Variants in SHANK1 observed in about 807,000 individuals in gnomAD.
SHANK1 encodes SH3 and multiple ankyrin repeat domains protein 1.
A neutral mutation model predicts 165.6 loss-of-function variants in SHANK1; 35 were observed. That is an observed-to-expected ratio of 0.21 (90% CI 0.16 to 0.28). The LOEUF (loss-of-function observed/expected upper bound fraction) is 0.28, where lower values mean the gene tolerates loss of function less well. SHANK1 is among the 10% of genes least tolerant of loss of function. SHANK1 has a pLI of 1.00. For synonymous variants in SHANK1, 1,428 were observed against 1,384.8 expected (o/e 1.03, Z -0.69); for missense variants, 2,681 against 3,036.4 (o/e 0.88, Z 2.75).
intron 15 of SHANK1, among the ~76,000 whole-genome samples, chr19:50,694,185 TCACA>T (rs1047674100): frequency 6.0e-5 from 9 of 150,546 alleles, no homozygotes; most frequent in South Asian, 2.1e-4. Context: ...TTTCTCTCTC[TCACA>T]CACACACGCA....
rs1211312228 is a variant in SHANK1, at chr19:50,662,219, G to A, written c.6232C>T (p.Pro2078Ser). 3 of 1,610,066 alleles carry A rather than the reference G, an allele frequency of 1.9e-6. No individual in the cohort carries two copies. The highest frequency in any genetic ancestry group is 2.5e-6 in the Non-Finnish European group (3 of 1,177,270). The change falls in exon 24 of 24, where the codon CCG becomes TCG. Residue 2078 changes from proline to serine, a missense_variant. Pro to Ser is a moderately conservative substitution (Grantham distance 74). This residue lies in a region of SHANK1 where 1,713 missense variants were observed against 1,630.2 expected (regional missense o/e 1.05). Coordinates refer to ENST00000293441, the MANE Select transcript of SHANK1 (RefSeq NM_016148.5). The surrounding 1 kb of genome is among the most constrained non-coding windows in gnomAD (Gnocchi z 7.7). ...ALSGASRSLSPTRLLSLPPDK... is the reference protein window; with the variant it reads ...ALSGASRSLSSTRLLSLPPDK... ...GGGGGCAGCGAGAGCAGGCGGGTCGGTGAGAGGGAGCGCGAGGCCCCTGAC... is the reference window on the plus strand; with the variant it reads ...GGGGGCAGCGAGAGCAGGCGGGTCGATGAGAGGGAGCGCGAGGCCCCTGAC...
At position 50,668,237 on chromosome 19, in the gene SHANK1, C is replaced by A; in HGVS notation, c.3723G>T (p.Arg1241=). 1 of 1,467,280 alleles carries A rather than the reference C, an allele frequency of 6.8e-7. No individual in the cohort carries two copies. The highest frequency in any genetic ancestry group is 1.4e-5 in the South Asian group (1 of 72,184). 90.9% of individuals were successfully genotyped at this position (1,467,280 alleles called of 1,614,324 possible). Residue 1241 remains arginine (R), a synonymous_variant, in exon 23 of 24, where the codon CGG becomes CGT. Transcript: ENST00000293441. ...CCTCATTCTGCCAGCCCCCCTCCCT[C>A]CGGGCCGCCCCCACCAGGGCGGCCC... ...QFGAALVGAA[R]REGGWQNEAR... is the part of the protein sequence containing the mutation.
chr19:50,703,811 G>T lies in SHANK1; in HGVS notation c.1242C>A (p.Pro414=). The change falls in exon 11 of 24, where the codon CCC becomes CCA. Residue 414 remains proline (P), a synonymous_variant. Transcript: ENST00000293441. ...GCCCCCGTCGCCGGGCCGCGTACTT[G>T]GGGGACTCCTGGAAGGGCACTGAGA... The part of the protein sequence containing the change: ...EQDVVPFQES[P]KYAARRRGPP... 1 of 1,430,162 alleles carries T rather than the reference G, an allele frequency of 7.0e-7. No individual in the cohort carries two copies. Among genetic ancestry groups the T allele is most frequent in the South Asian group, 1.5e-5 (1 of 67,328 alleles). 88.6% of individuals were successfully genotyped at this position (1,430,162 alleles called of 1,614,324 possible).
chr19:50,673,131 G>A (rs989980898), intron 21 of SHANK1, among the ~76,000 whole-genome samples: 2 of 152,136 alleles, frequency 1.3e-5, no homozygotes, highest in Non-Finnish European at 2.9e-5. Context: ...GCCCGAGGCA[G>A]CACTAAAGCC....
rs1986500762 is a variant in SHANK1 at position 50,690,276 on chromosome 19, C to G, written c.1965-997G>C. 6.6e-6 allele frequency among the ~76,000 whole-genome samples: 1 copy of G among 152,014 alleles called. No homozygotes were observed. Among genetic ancestry groups the G allele is most frequent in the Admixed American group, 6.6e-5 (1 of 15,266 alleles). ...GCACATTTAGGTAAGGCTCACGTAC[C>G]CAGGAAATGTCAATGAAACTCAGAT... On this transcript the variant is annotated intron_variant, in intron 15 of 23. Transcript: ENST00000293441. The surrounding 1 kb of genome is among the most constrained non-coding windows in gnomAD (Gnocchi z 4.9).
Position 50,668,768 on chromosome 19 carries a change from T to C in SHANK1, c.3192A>G (p.Pro1064=). Residue 1064 remains proline, a synonymous_variant, in exon 23 of 24, where the codon CCA becomes CCG. Coordinates refer to ENST00000293441, the MANE Select transcript of SHANK1 (RefSeq NM_016148.5). ...GPSPTPGAPS[P]SHHGSAGGGG... is the part of the protein sequence containing the mutation. ...CCCCGCCCGCGCTGCCGTGGTGCGA[T>C]GGGGACGGGGCCCCCGGGGTCGGGC... 7.9e-7 allele frequency: 1 copy of C among 1,271,642 alleles called. No homozygotes were observed. Among genetic ancestry groups the C allele is most frequent in the Non-Finnish European group, 9.8e-7 (1 of 1,015,446 alleles). The allele number at this position is 1,271,642 out of a possible 1,614,324, so 78.8% of individuals were successfully genotyped here.
chr19:50,662,019 C>T lies in SHANK1; in HGVS notation c.6432G>A (p.Arg2144=), dbSNP rs561667425. The change falls in exon 24 of 24, where the codon AGG becomes AGA. Residue 2144 remains arginine (R), a synonymous_variant. Coordinates refer to ENST00000293441, the MANE Select transcript of SHANK1 (RefSeq NM_016148.5). This position sits in a 1 kb window ranked among gnomAD's most constrained non-coding sequence, Gnocchi z 7.7. ...GGTCGATGTTCATGCGGTGGCCCAC[C>T]CTGGTCACACCTAGATCGACGTAGT... is the stretch of plus-strand genomic sequence containing the variant. ...KEDYVDLGVT[R]VGHRMNIDRA... The T allele has an allele frequency of 1.2e-6, 2 of 1,614,082 alleles. No homozygotes were observed. The highest frequency in any genetic ancestry group is 1.3e-5 in the African/African-American group (1 of 74,934).
In SHANK1 at chr19:50,703,427, C is replaced by T. The variant is rs200301152; in HGVS notation, c.1553+73G>A. Reference sequence around the variant, plus strand: ...CAGAGGAAGGCAGCTGGGCTGGCCTCGGGGGAAGCCGCCGATCTGGAGAGG... The same window carrying T: ...CAGAGGAAGGCAGCTGGGCTGGCCTTGGGGGAAGCCGCCGATCTGGAGAGG... On this transcript the variant is annotated intron_variant, in intron 11 of 23. Coordinates refer to ENST00000293441, the MANE Select transcript of SHANK1 (RefSeq NM_016148.5). 2.2e-5 allele frequency: 29 copies of T among 1,340,640 alleles called. No homozygotes were observed. The East Asian group carries it at 2.8e-4, about 13-fold the overall frequency. The allele number at this position is 1,340,640 out of a possible 1,614,324, so 83.0% of individuals were successfully genotyped here. A position where few individuals can be genotyped will look rare whatever the true frequency, so the allele number is the denominator to read the frequency against.
At position 50,717,639 on chromosome 19, in the gene SHANK1, A is replaced by C. The variant is rs1037611220; in HGVS notation, c.-43-677T>G. Among the ~76,000 whole-genome samples the C allele has an allele frequency of 3.3e-5, 5 of 152,188 alleles. No individual in the cohort carries two copies. Among genetic ancestry groups the C allele is most frequent in the African/African-American group, 1.2e-4 (5 of 41,436 alleles). ...CTAGGGTGTCCCCAAGGGAACCACA[A>C]GAGGTGGCTTTTGGAGACTGGGGCA... On this transcript the variant is annotated intron_variant, in intron 1 of 23. Coordinates refer to ENST00000293441, the MANE Select transcript of SHANK1 (RefSeq NM_016148.5). The surrounding 1 kb of genome is among the most constrained non-coding windows in gnomAD (Gnocchi z 5.5).
At chr19:50,704,635 C>T (rs557025426) in intron 8 of SHANK1, 121 bp from the exon 9 acceptor site, 4 of 877,112 alleles carry the variant, frequency 4.6e-6, no homozygotes, top group Non-Finnish European at 7.3e-6. Flanking sequence ...AAACCCGCAC[C>T]ACTGAGGACA....
At chr19:50,707,388 T>G (rs2088952833) in intron 8 of SHANK1, among the ~76,000 whole-genome samples, 2 of 152,120 alleles carry the variant, frequency 1.3e-5, no homozygotes. Context: ...GATGCTAATT[T>G]AACCACCATT....
chr19:50,667,604 A>G lies in SHANK1; in HGVS notation c.4356T>C (p.Ala1452=), dbSNP rs1456267396. 3 of 1,430,852 alleles carry G rather than the reference A, an allele frequency of 2.1e-6. No homozygotes were observed. The highest frequency in any genetic ancestry group is 1.8e-6 in the Non-Finnish European group (2 of 1,103,686). 88.6% of individuals were successfully genotyped at this position (1,430,852 alleles called of 1,614,324 possible). Residue 1452 remains alanine (A), a synonymous_variant, in exon 23 of 24, where the codon GCT becomes GCC. Transcript: ENST00000293441. The surrounding 1 kb of genome is among the most constrained non-coding windows in gnomAD (Gnocchi z 5.7). The part of the protein sequence containing the change: ...RSLLHRLPPT[A]PGVGPLLLQL... ...GCAGCAGGAGGGGCCCCACCCCGGG[A>G]GCGGTGGGCGGCAGGCGGTGTAGCA... is the stretch of plus-strand genomic sequence containing the variant.
chr19:50,662,778 G>C lies in SHANK1; in HGVS notation c.5769-96C>G. 2 of 1,370,496 alleles carry C rather than the reference G, an allele frequency of 1.5e-6. No homozygotes were observed. The highest frequency in any genetic ancestry group is 2.0e-6 in the Non-Finnish European group (2 of 993,188). 84.9% of individuals were successfully genotyped at this position (1,370,496 alleles called of 1,614,324 possible). ...CAGAGGTCAAGATATAGGGAGAGAGGAGGAGAGACATAAGGGTAGGGGGAG... is the reference window on the plus strand; with the variant it reads ...CAGAGGTCAAGATATAGGGAGAGAGCAGGAGAGACATAAGGGTAGGGGGAG... On this transcript the variant is annotated intron_variant, in intron 23 of 23. Transcript: ENST00000293441. This position sits in a 1 kb window ranked among gnomAD's most constrained non-coding sequence, Gnocchi z 7.7.
Position 50,713,761 on chromosome 19 carries a change from G to A in SHANK1, c.792+37C>T, listed in dbSNP as rs2089036055. ...AAGAACAAAGGGAAAAGGAGAGAGG[G>A]CCCCATGGCGGGGATGGGGGGTCCC... On this transcript the variant is annotated intron_variant, in intron 6 of 23. Transcript: ENST00000293441. This position sits in a 1 kb window ranked among gnomAD's most constrained non-coding sequence, Gnocchi z 6.2. The A allele has an allele frequency of 6.2e-7, 1 of 1,608,170 alleles. No homozygotes were observed. The highest frequency in any genetic ancestry group is 8.5e-7 in the Non-Finnish European group (1 of 1,177,104).
At position 50,660,291 on chromosome 19, in the gene SHANK1, G is replaced by A. The variant is rs1392396715; in HGVS notation, c.*1674C>T. ...AGAGGGAGCTTCTTGGAGTGGACAG[G>A]TTAGGAGAGGGCAATCTTCGTGCAA... On this transcript the variant is annotated 3_prime_UTR_variant, in exon 24 of 24. Transcript: ENST00000293441. Among the ~76,000 whole-genome samples the A allele has an allele frequency of 6.6e-6, 1 of 152,086 alleles. No individual in the cohort carries two copies. The highest frequency in any genetic ancestry group is 1.5e-5 in the Non-Finnish European group (1 of 68,008).
In SHANK1 at chr19:50,660,800, T is replaced by A. The variant is rs187737464; in HGVS notation, c.*1165A>T. On this transcript the variant is annotated 3_prime_UTR_variant, in exon 24 of 24. Coordinates refer to ENST00000293441, the MANE Select transcript of SHANK1 (RefSeq NM_016148.5). ...ATCAAAAATGCAGAAGGGCAAAGAT[T>A]TCAAACAGAAAGGGGCAAGGGAGTG... Among the ~76,000 whole-genome samples, 1 of 147,740 alleles carries A rather than the reference T, an allele frequency of 6.8e-6. No homozygotes were observed. The highest frequency in any genetic ancestry group is 1.5e-5 in the Non-Finnish European group (1 of 67,600).
rs117990326 is a variant in SHANK1 at position 50,669,359 on chromosome 19, C to T, written c.2675-74G>A. On this transcript the variant is annotated intron_variant, in intron 22 of 23. Transcript: ENST00000293441. Reference sequence around the variant, plus strand: ...TCCCTGCTCCACTATCCCATAGAACCGCAACAATACTAATGACAAGAATGG... The same window carrying T: ...TCCCTGCTCCACTATCCCATAGAACTGCAACAATACTAATGACAAGAATGG... The T allele has an allele frequency of 0.022, 20,723 of 957,252 alleles. 291 individuals are homozygous for T. Among genetic ancestry groups the T allele is most frequent in the Middle Eastern group, 0.031 (124 of 3,940 alleles). 59.3% of individuals were successfully genotyped at this position (957,252 alleles called of 1,614,324 possible).
At chr19:50,669,517 C>CG (rs1344628454) in intron 22 of SHANK1, among the ~76,000 whole-genome samples, 1 of 152,114 alleles carries the variant, frequency 6.6e-6, no homozygotes, top group Non-Finnish European at 1.5e-5. Context: ...GGTGAGGAAA[C>CG]TGAAATTCAG....
Position 50,717,223 on chromosome 19 carries a change from CG to C in SHANK1, c.-43-262del, listed in dbSNP as rs1347875307. On this transcript the variant is annotated intron_variant, in intron 1 of 23. Coordinates refer to ENST00000293441, the MANE Select transcript of SHANK1 (RefSeq NM_016148.5). This position sits in a 1 kb window ranked among gnomAD's most constrained non-coding sequence, Gnocchi z 5.5. The stretch of plus-strand genomic sequence containing the variant: ...GGCCCCGCTTGCAGCCCGCCCCCTG[CG>C]CCCCACTTTGCTGGTGACCCAGCGT... Among the ~76,000 whole-genome samples, 1 of 152,224 alleles carries C rather than the reference CG, an allele frequency of 6.6e-6. No homozygotes were observed. Among genetic ancestry groups the C allele is most frequent in the Non-Finnish European group, 1.5e-5 (1 of 68,042 alleles).
Sources: gnomAD v4.1 joint callset for allele counts (sites outside exome capture counted in the v4.1 genomes callset) on GRCh38, gnomAD v4.1.1 for gene constraint, gnomAD v4.1.1 regional missense constraint, Gnocchi (gnomAD v3.1) non-coding constraint, MANE v1.5 for transcripts, NCBI Gene and HGNC (gene_info 2026-07-23, HGNC 2026-07-21) for gene names.